The following CTTNBP2NL variants were observed in gnomAD, a reference collection of about 807,000 sequenced individuals.
CTTNBP2NL encodes the protein CTTNBP2 N-terminal like, also known as CTTNBP2 N-terminal-like protein.
In CTTNBP2NL, 16 loss-of-function variants were observed where a neutral mutation model predicts 32.5. The observed-to-expected ratio is 0.49, with a 90% CI of 0.33 to 0.75. CTTNBP2NL has a LOEUF of 0.75. CTTNBP2NL is among the 30% of genes least tolerant of loss of function. The pLI is 0.02. For synonymous variants in CTTNBP2NL, 298 were observed against 289.4 expected (o/e 1.03, Z -0.30); for missense variants, 645 against 756.0 (o/e 0.85, Z 1.72).
intron 2 of CTTNBP2NL, among the ~76,000 whole-genome samples, chr1:112,414,323 C>T (rs2101000710): frequency 6.6e-6 from 1 of 152,272 alleles, no homozygotes; most frequent in South Asian, 2.1e-4. Context: ...GAAATCACCC[C>T]ACTGCATTCC....
rs1285826275 is a variant in CTTNBP2NL, at chr1:112,456,502, G to T, written c.1010G>T (p.Gly337Val). ...AAGATGACAAACACTGGGCTGCCTGGTCCTGCCACTCCTGCTTACTCATAT... is the reference window on the plus strand; with the variant it reads ...AAGATGACAAACACTGGGCTGCCTGTTCCTGCCACTCCTGCTTACTCATAT... Reference protein sequence around the residue: ...IAKMTNTGLPGPATPAYSYAK... With the variant: ...IAKMTNTGLPVPATPAYSYAK... The change falls in exon 6 of 6, where the codon GGT (glycine) becomes GTT (valine). Residue 337 changes from glycine to valine, a missense_variant. Coordinates refer to ENST00000271277, the MANE Select transcript of CTTNBP2NL (RefSeq NM_018704.3). 1 of 1,614,108 alleles carries T rather than the reference G, an allele frequency of 6.2e-7. No individual in the cohort carries two copies. Among genetic ancestry groups the T allele is most frequent in the Non-Finnish European group, 8.5e-7 (1 of 1,180,012 alleles).
chr1:112,438,168 G>C (rs1182669937), intron 3 of CTTNBP2NL, among the ~76,000 whole-genome samples: 1 of 152,178 alleles, frequency 6.6e-6, no homozygotes, highest in Non-Finnish European at 1.5e-5. Flanking sequence ...GATTCTACTA[G>C]TTCATGAGCA....
At chr1:112,421,499 C>T (rs1171659549) in intron 3 of CTTNBP2NL, among the ~76,000 whole-genome samples, 5 of 150,178 alleles carry the variant, frequency 3.3e-5, no homozygotes, top group Non-Finnish European at 1.5e-5. Flanking sequence ...GATGGGGTTT[C>T]ACCATGTTGG....
At chr1:112,453,361 G>A (rs974339900) in intron 4 of CTTNBP2NL, among the ~76,000 whole-genome samples, 2 of 152,144 alleles carry the variant, frequency 1.3e-5, no homozygotes, top group Non-Finnish European at 2.9e-5. Context: ...TACCCTGGAG[G>A]TCTGGGCCAA....
At chr1:112,422,176 G>T (rs1649251975) in intron 3 of CTTNBP2NL, among the ~76,000 whole-genome samples, 1 of 151,902 alleles carries the variant, frequency 6.6e-6, no homozygotes, top group Non-Finnish European at 1.5e-5. Flanking sequence ...CCACTGATCT[G>T]CTTTCTGTCA....
intron 3 of CTTNBP2NL, among the ~76,000 whole-genome samples, chr1:112,422,291 T>C (rs1164904277): frequency 6.6e-6 from 1 of 152,250 alleles, no homozygotes; most frequent in Non-Finnish European, 1.5e-5. Context: ...CTTTGAGATT[T>C]ATTCATGTCG....
intron 1 of CTTNBP2NL, among the ~76,000 whole-genome samples, chr1:112,409,145 AAAG>A (rs1006064795): frequency 4.6e-5 from 7 of 151,862 alleles, no homozygotes; most frequent in Non-Finnish European, 1.0e-4. Flanking sequence ...AAAAAAAAAA[AAAG>A]GAGTCTTTAC....
chr1:112,398,432 A>G (rs1240368354), intron 1 of CTTNBP2NL, among the ~76,000 whole-genome samples: 1 of 152,108 alleles, frequency 6.6e-6, no homozygotes, highest in East Asian at 1.9e-4. Flanking sequence ...TATATCTTTC[A>G]CAGTTCCTAG....
upstream of CTTNBP2NL, among the ~76,000 whole-genome samples, chr1:112,392,983 A>G (rs2492503): frequency 0.46 from 70,505 of 151,834 alleles, 18,940 homozygotes; most frequent in African/African-American, 0.75. Flanking sequence ...TCAGTCTTCC[A>G]AGTAGCTGGG....
intron 4 of CTTNBP2NL, among the ~76,000 whole-genome samples, chr1:112,449,842 AAG>A (rs1247937966): frequency 6.6e-6 from 1 of 151,600 alleles, no homozygotes; most frequent in Non-Finnish European, 1.5e-5. Flanking sequence ...CCTATTAGTA[AAG>A]AGTGTGTGTG....
intron 3 of CTTNBP2NL, among the ~76,000 whole-genome samples, chr1:112,423,267 C>T (rs762002824): frequency 6.6e-6 from 1 of 151,962 alleles, no homozygotes; most frequent in Non-Finnish European, 1.5e-5. Flanking sequence ...ATTTCATTAT[C>T]TTAACTCTAT....
intron 3 of CTTNBP2NL, among the ~76,000 whole-genome samples, chr1:112,427,251 C>G (rs953517862): frequency 6.6e-6 from 1 of 152,088 alleles, no homozygotes; most frequent in Admixed American, 6.6e-5. Context: ...TAGTATTTTT[C>G]CGAAGGCATT....
chr1:112,457,518 C>T lies in CTTNBP2NL; in HGVS notation c.*106C>T. The T allele has an allele frequency of 1.0e-6, 1 of 977,918 alleles. No homozygotes were observed. The highest frequency in any genetic ancestry group is 1.6e-5 in the South Asian group (1 of 61,912). The allele number at this position is 977,918 out of a possible 1,614,324, so 60.6% of individuals were successfully genotyped here. A position where few individuals can be genotyped will look rare whatever the true frequency, so the allele number is the denominator to read the frequency against. ...TTATTTATTTTGATAGTAGCTGAAACCATCTGTATAATACATTTAGTATAT... is the reference window on the plus strand; with the variant it reads ...TTATTTATTTTGATAGTAGCTGAAATCATCTGTATAATACATTTAGTATAT... On this transcript the variant is annotated 3_prime_UTR_variant, in exon 6 of 6. Coordinates refer to ENST00000271277, the MANE Select transcript of CTTNBP2NL (RefSeq NM_018704.3).
At chr1:112,393,900 G>C (rs1648243375), upstream of CTTNBP2NL, among the ~76,000 whole-genome samples, 1 of 152,098 alleles carries the variant, frequency 6.6e-6, no homozygotes, top group African/African-American at 2.4e-5. Context: ...AGCTACAAAG[G>C]GAATGAGGGA....
At chr1:112,434,868 T>G (rs1649681499) in intron 3 of CTTNBP2NL, among the ~76,000 whole-genome samples, 1 of 152,072 alleles carries the variant, frequency 6.6e-6, no homozygotes, top group Non-Finnish European at 1.5e-5. Flanking sequence ...CCAGGCTGGG[T>G]GCAGTGGCTC....
At chr1:112,408,021 A>C (rs1209663118) in intron 1 of CTTNBP2NL, among the ~76,000 whole-genome samples, 2 of 150,888 alleles carry the variant, frequency 1.3e-5, no homozygotes, top group Non-Finnish European at 3.0e-5. Flanking sequence ...TAATTTTTGC[A>C]TTTTTTGTAG....
chr1:112,452,335 C>CTTCTTTTTTTTTTTTTTTTTTTT (rs1553227272), intron 4 of CTTNBP2NL, among the ~76,000 whole-genome samples: 6 of 65,688 alleles, frequency 9.1e-5, no homozygotes, highest in African/African-American at 3.1e-4. Context: ...CCAGTCTCTT[C>CTTCTTTTTTTTTTTTTTTTTTTT]TTTTTTTTTT....
chr1:112,415,913 G>T, intron 2 of CTTNBP2NL: 1 of 389,226 alleles, frequency 2.6e-6, no homozygotes. Flanking sequence ...GTGTCTGGAG[G>T]AAATATGATG....
At chr1:112,427,837 A>C (rs913374777) in intron 3 of CTTNBP2NL, among the ~76,000 whole-genome samples, 6 of 149,890 alleles carry the variant, frequency 4.0e-5, no homozygotes, top group Non-Finnish European at 7.4e-5. Flanking sequence ...CAGAGGTTGC[A>C]GTGAGCCGAG....
Sources: allele counts gnomAD v4.1 joint callset (sites outside exome capture counted in the v4.1 genomes callset), GRCh38; gene constraint gnomAD v4.1.1; transcripts MANE v1.5; gene names NCBI Gene and HGNC (gene_info 2026-07-23, HGNC 2026-07-21).